Variants in FGFR1OP2 observed in about 807,000 individuals in gnomAD.
The protein encoded by FGFR1OP2 is fibroblast growth factor receptor 1 oncogene partner 2.
FGFR1OP2 carries 17 observed loss-of-function variants against 35.2 expected under a neutral mutation model. The ratio of observed to expected loss-of-function variants is 0.48; its 90% CI spans 0.33 to 0.73. The LOEUF is 0.73. Ranked by LOEUF, FGFR1OP2 falls within the 30% of genes least tolerant of loss-of-function variation. The probability of loss-of-function intolerance (pLI) is 0.02; values close to 1 mark genes in which losing one functional copy is unlikely to be tolerated. For synonymous variants in FGFR1OP2, 105 were observed against 104.6 expected, an observed-to-expected ratio of 1.00 and a Z score of -0.03; for missense variants, 251 against 307.3, an observed-to-expected ratio of 0.82 and a Z score of 1.37.
chr12:26,947,737 A>C (rs1938852896), intron 1 of FGFR1OP2, among the ~76,000 whole-genome samples: 1 of 152,136 alleles, frequency 6.6e-6, no homozygotes, highest in South Asian at 2.1e-4. Flanking sequence ...TTATATAAAC[A>C]ATGCATAGTT....
intron 3 of FGFR1OP2, 41 bp downstream of exon 3, chr12:26,956,701 C>T: frequency 1.7e-6 from 2 of 1,203,046 alleles, no homozygotes; most frequent in East Asian, 5.3e-5. Context: ...CATTTCTAGT[C>T]TATATTCCTA....
chr12:26,947,390 G>A (rs182275503), intron 1 of FGFR1OP2, among the ~76,000 whole-genome samples: 57 of 152,160 alleles, frequency 3.7e-4, no homozygotes, highest in Middle Eastern at 3.4e-3. Context: ...ACTAATATTT[G>A]TACAGTATAT....
intron 1 of FGFR1OP2, among the ~76,000 whole-genome samples, chr12:26,944,186 T>C (rs540610650): frequency 6.6e-6 from 1 of 152,336 alleles, no homozygotes; most frequent in Non-Finnish European, 1.5e-5. Flanking sequence ...TTTGGATTCT[T>C]TGGGGTTTTC....
At chr12:26,954,922 C>A (rs1263180715) in intron 2 of FGFR1OP2, among the ~76,000 whole-genome samples, 6 of 152,130 alleles carry the variant, frequency 3.9e-5, no homozygotes, top group Admixed American at 3.9e-4. Flanking sequence ...ATTATAAAAT[C>A]TCTGACATTA....
intron 1 of FGFR1OP2, among the ~76,000 whole-genome samples, chr12:26,946,870 T>C (rs1159742586): frequency 6.6e-6 from 1 of 152,210 alleles, no homozygotes; most frequent in Non-Finnish European, 1.5e-5. Context: ...CATCCACTAA[T>C]CTACTTTCAG....
At chr12:26,957,512 A>T in intron 3 of FGFR1OP2, 89 bp from the exon 4 acceptor site, 1 of 1,169,454 alleles carries the variant, frequency 8.6e-7, no homozygotes. Flanking sequence ...TCTTTTTAAA[A>T]TGTCCCGTTC....
chr12:26,966,359 CATTGAG>C lies in FGFR1OP2; in HGVS notation c.*1630_*1635del, dbSNP rs1422606249. Reference sequence around the variant, plus strand: ...AAAGGAAATCTATTTCAAGCTACACCATTGAGATTAAGTCTGAGGCAGTTCATTGAG... The same window carrying C: ...AAAGGAAATCTATTTCAAGCTACACCATTAAGTCTGAGGCAGTTCATTGAG... On this transcript the variant is annotated 3_prime_UTR_variant, in exon 7 of 7. Coordinates refer to ENST00000229395, the MANE Select transcript of FGFR1OP2 (RefSeq NM_015633.3). 2 of 152,118 alleles carry C rather than the reference CATTGAG, an allele frequency of 1.3e-5. No homozygotes were observed. Among genetic ancestry groups the C allele is most frequent in the African/African-American group, 4.8e-5 (2 of 41,528 alleles). 9.4% of individuals were successfully genotyped at this position (152,118 alleles called of 1,614,324 possible). A position where few individuals can be genotyped will look rare whatever the true frequency, so the allele number is the denominator to read the frequency against.
chr12:26,942,100 T>C (rs1938744584), intron 1 of FGFR1OP2, among the ~76,000 whole-genome samples: 1 of 152,242 alleles, frequency 6.6e-6, no homozygotes, highest in Non-Finnish European at 1.5e-5. Context: ...TGGTGCGATC[T>C]CGGCTCACTG....
At chr12:26,958,551 G>T (rs1026144622) in intron 4 of FGFR1OP2, among the ~76,000 whole-genome samples, 1 of 152,032 alleles carries the variant, frequency 6.6e-6, no homozygotes, top group African/African-American at 2.4e-5. Context: ...TATTATAATG[G>T]AAAAAACATG....
In FGFR1OP2 at chr12:26,965,649, A is replaced by G. The variant is rs1170116152; in HGVS notation, c.*916A>G. 1 of 149,634 alleles carries G rather than the reference A, an allele frequency of 6.7e-6. No homozygotes were observed. Among genetic ancestry groups the G allele is most frequent in the East Asian group, 1.9e-4 (1 of 5,158 alleles). The allele number at this position is 149,634 out of a possible 1,614,324, so 9.3% of individuals were successfully genotyped here. A position where few individuals can be genotyped will look rare whatever the true frequency, so the allele number is the denominator to read the frequency against. On this transcript the variant is annotated 3_prime_UTR_variant, in exon 7 of 7. Coordinates refer to ENST00000229395, the MANE Select transcript of FGFR1OP2 (RefSeq NM_015633.3). ...GAACCCTTTTTTTTTTCCTTTAAGT[A>G]TTCTTGAGATACAAAAAAAAAAAGT...
intron 1 of FGFR1OP2, among the ~76,000 whole-genome samples, chr12:26,941,948 G>A (rs1191568332): frequency 1.3e-5 from 2 of 152,196 alleles, no homozygotes; most frequent in East Asian, 1.9e-4. Flanking sequence ...CTTAGGAATA[G>A]GACACTAGAC....
intron 2 of FGFR1OP2, among the ~76,000 whole-genome samples, chr12:26,956,180 G>A (rs931225290): frequency 6.6e-6 from 1 of 152,072 alleles, no homozygotes; most frequent in Non-Finnish European, 1.5e-5. Flanking sequence ...GAAGGTTGCA[G>A]TTTCTTCACA....
At position 26,964,613 on chromosome 12, in the gene FGFR1OP2, G is replaced by A. The variant is rs1260399834; in HGVS notation, c.642G>A (p.Leu214=). The A allele has an allele frequency of 6.2e-7, 1 of 1,612,854 alleles. No individual in the cohort carries two copies. The highest frequency in any genetic ancestry group is 1.1e-5 in the South Asian group (1 of 91,016). The change falls in exon 7 of 7, where the codon TTG becomes TTA. Residue 214 remains leucine, a synonymous_variant. Coordinates refer to ENST00000229395, the MANE Select transcript of FGFR1OP2 (RefSeq NM_015633.3). The part of the protein sequence containing the change: ...IFQLEQENKG[L]REILQITRES... ...CCTTTTAGCAAGAAAACAAAGGCTT[G>A]AGAGAGATCCTTCAAATAACTCGAG...
At chr12:26,939,971 T>C (rs1379756546) in intron 1 of FGFR1OP2, among the ~76,000 whole-genome samples, 1 of 152,246 alleles carries the variant, frequency 6.6e-6, no homozygotes, top group Admixed American at 6.5e-5. Flanking sequence ...CCTGTACTTC[T>C]AATACACATG....
intron 4 of FGFR1OP2, among the ~76,000 whole-genome samples, chr12:26,959,624 A>G (rs927166121): frequency 2.0e-5 from 3 of 152,166 alleles, no homozygotes; most frequent in African/African-American, 7.2e-5. Flanking sequence ...TAGTAAGGTT[A>G]AACATTTCCT....
In FGFR1OP2 at chr12:26,963,333, C is replaced by G. The variant is rs746542744; in HGVS notation, c.511-9C>G. The G allele has an allele frequency of 6.4e-7, 1 of 1,573,630 alleles. No individual in the cohort carries two copies. Among genetic ancestry groups the G allele is most frequent in the Non-Finnish European group, 8.6e-7 (1 of 1,156,494 alleles). On this transcript the variant is annotated splice_polypyrimidine_tract_variant and intron_variant, in intron 5 of 6. Transcript: ENST00000229395. Reference sequence around the variant, plus strand: ...TTGCTGATTTCCAACTCCCATCCCTCTTTTTCAGGAACTGCAAGCACATGT... The same window carrying G: ...TTGCTGATTTCCAACTCCCATCCCTGTTTTTCAGGAACTGCAAGCACATGT...
intron 4 of FGFR1OP2, among the ~76,000 whole-genome samples, chr12:26,959,314 A>G (rs1939069331): frequency 6.6e-6 from 1 of 152,122 alleles, no homozygotes; most frequent in Non-Finnish European, 1.5e-5. Context: ...TTCTAAAATC[A>G]TTTAAATTTA....
chr12:26,960,637 A>G lies in FGFR1OP2; in HGVS notation c.510+9A>G. On this transcript the variant is annotated intron_variant, in intron 5 of 6. Transcript: ENST00000229395. ...TGGAAGCAAATCAGAATGTACACTA[A>G]ATAAACAGTCAACTTTTGGGGTGTG... 6.2e-7 allele frequency: 1 copy of G among 1,609,742 alleles called. No homozygotes were observed. The highest frequency in any genetic ancestry group is 1.1e-5 in the South Asian group (1 of 90,862).
rs1269516934 is a variant in FGFR1OP2, at chr12:26,965,104, C to T, written c.*371C>T. On this transcript the variant is annotated 3_prime_UTR_variant, in exon 7 of 7. Transcript: ENST00000229395. ...CCAATTTAAAAATATAAATTTTTGC[C>T]ACTGTTTTGTGAACGGAGGATTTGT... The T allele has an allele frequency of 6.3e-6, 1 of 158,280 alleles. No homozygotes were observed. The highest frequency in any genetic ancestry group is 2.4e-5 in the African/African-American group (1 of 41,602). 9.8% of individuals were successfully genotyped at this position (158,280 alleles called of 1,614,324 possible).
Sources: gnomAD v4.1 joint callset for allele counts (sites outside exome capture counted in the v4.1 genomes callset) on GRCh38, gnomAD v4.1.1 for gene constraint, MANE v1.5 for transcripts, NCBI Gene and HGNC (gene_info 2026-07-23, HGNC 2026-07-21) for gene names.